ATRNL1: variants seen among roughly 807,000 people sequenced by gnomAD.
ATRNL1 encodes the protein attractin-like protein 1.
In ATRNL1, 95 loss-of-function variants were observed where a neutral mutation model predicts 182.7. The ratio of observed to expected loss-of-function variants is 0.52; its 90% CI spans 0.44 to 0.62. ATRNL1 has a LOEUF of 0.62. Among genes scored for constraint, ATRNL1 ranks in the 20% least tolerant of loss-of-function variants. The pLI is 0.00. For missense variants in ATRNL1, 1,471 were observed against 1,679.5 expected (o/e 0.88, Z 2.17); for synonymous variants, 576 against 568.3 (o/e 1.01, Z -0.19).
chr10:115,840,080 C>A (rs1950768111), intron 27 of ATRNL1, among the ~76,000 whole-genome samples: 1 of 152,098 alleles, frequency 6.6e-6, no homozygotes, highest in South Asian at 2.1e-4. Context: ...GTCTTAGGTG[C>A]CAGGGAAAGT....
chr10:115,300,085 T>C lies in ATRNL1; in HGVS notation c.2467T>C (p.Trp823Arg), dbSNP rs782285740. Residue 823 changes from tryptophan to arginine, a missense_variant, in exon 16 of 29, where the codon TGG becomes CGG. Trp to Arg is a moderately radical substitution (Grantham distance 101, BLOSUM62 -3). Transcript: ENST00000355044. ...CAAGATCAATATATCCTATTGGGGA[T>C]GGGAAGACATGTCTCCTTTTACAAA... ...LRKINISYWG[W>R]EDMSPFTNTT... 1 of 1,614,096 alleles carries C rather than the reference T, an allele frequency of 6.2e-7. No homozygotes were observed. The highest frequency in any genetic ancestry group is 8.5e-7 in the Non-Finnish European group (1 of 1,179,934).
chr10:115,620,796 A>G (rs1342748095), intron 26 of ATRNL1, among the ~76,000 whole-genome samples: 5 of 152,236 alleles, frequency 3.3e-5, no homozygotes, highest in African/African-American at 1.2e-4. Context: ...GTAAACACAC[A>G]TGAACACATA....
chr10:115,801,006 C>CTG (rs1949779525), intron 27 of ATRNL1, among the ~76,000 whole-genome samples: 1 of 152,220 alleles, frequency 6.6e-6, no homozygotes, highest in Non-Finnish European at 1.5e-5. Context: ...TCTTCAGAAA[C>CTG]AGGTTCACAT....
chr10:115,845,240 A>G (rs1439701303), intron 27 of ATRNL1, among the ~76,000 whole-genome samples: 2 of 152,126 alleles, frequency 1.3e-5, no homozygotes, highest in African/African-American at 2.4e-5. Flanking sequence ...AAATAGAAGT[A>G]TAATCTCCTT....
chr10:115,869,460 C>G (rs1186793628), intron 28 of ATRNL1, among the ~76,000 whole-genome samples: 2 of 152,214 alleles, frequency 1.3e-5, no homozygotes, highest in African/African-American at 4.8e-5. Flanking sequence ...TGCATGCCTG[C>G]ATGCACAGGT....
chr10:115,233,705 G>A (rs1308842328), intron 9 of ATRNL1, among the ~76,000 whole-genome samples: 1 of 151,914 alleles, frequency 6.6e-6, no homozygotes, highest in African/African-American at 2.4e-5. Context: ...GGTTTGATAA[G>A]GGTTTATATT....
At chr10:115,552,220 T>G (rs1853031327) in intron 26 of ATRNL1, among the ~76,000 whole-genome samples, 1 of 151,348 alleles carries the variant, frequency 6.6e-6, no homozygotes, top group East Asian at 1.9e-4. Flanking sequence ...GATAATTCCA[T>G]TTATAGACTT....
chr10:115,628,142 G>C (rs1555025230), intron 26 of ATRNL1, among the ~76,000 whole-genome samples: 1 of 136,982 alleles, frequency 7.3e-6, no homozygotes, highest in Non-Finnish European at 1.6e-5. Context: ...GCAAGACTCT[G>C]TCTCAAAAAA....
At chr10:115,832,245 C>T (rs1383780069) in intron 27 of ATRNL1, among the ~76,000 whole-genome samples, 2 of 152,240 alleles carry the variant, frequency 1.3e-5, no homozygotes, top group East Asian at 3.9e-4. Context: ...GGGAGGAATC[C>T]AGGATTTTCC....
chr10:115,381,226 C>CT (rs1379354367), intron 19 of ATRNL1, among the ~76,000 whole-genome samples: 1 of 151,734 alleles, frequency 6.6e-6, no homozygotes, highest in Non-Finnish European at 1.5e-5. Context: ...TTTTTCTGGA[C>CT]TTTTTTTAGT....
At chr10:115,844,353 T>A (rs1165705076) in intron 27 of ATRNL1, among the ~76,000 whole-genome samples, 2 of 152,046 alleles carry the variant, frequency 1.3e-5, no homozygotes, top group Non-Finnish European at 2.9e-5. Flanking sequence ...GTAGCCAGCT[T>A]TACCCATTGA....
chr10:115,527,640 G>C (rs943477919), intron 25 of ATRNL1, among the ~76,000 whole-genome samples: 13 of 151,934 alleles, frequency 8.6e-5, no homozygotes, highest in African/African-American at 2.7e-4. Flanking sequence ...GTTGGTAATT[G>C]GCTTTTTAAT....
intron 21 of ATRNL1, among the ~76,000 whole-genome samples, chr10:115,438,851 G>T (rs1441872266): frequency 6.6e-6 from 1 of 151,752 alleles, no homozygotes; most frequent in Non-Finnish European, 1.5e-5. Flanking sequence ...CATTTTTGGA[G>T]AGAAACATAA....
chr10:115,496,534 C>T (rs1292088706), intron 24 of ATRNL1, among the ~76,000 whole-genome samples: 1 of 151,840 alleles, frequency 6.6e-6, no homozygotes, highest in Non-Finnish European at 1.5e-5. Context: ...TGATAAATCA[C>T]ATTTATTGCT....
At chr10:115,717,364 A>G (rs992471793) in intron 26 of ATRNL1, among the ~76,000 whole-genome samples, 4 of 152,186 alleles carry the variant, frequency 2.6e-5, no homozygotes, top group Non-Finnish European at 5.9e-5. Flanking sequence ...TGTGTGCCTA[A>G]TGATTTACAG....
chr10:115,211,276 C>G (rs1296725381), intron 8 of ATRNL1, among the ~76,000 whole-genome samples: 1 of 150,196 alleles, frequency 6.7e-6, no homozygotes, highest in Non-Finnish European at 1.5e-5. Flanking sequence ...AATTTTTTCC[C>G]TCTTAATTCC....
In ATRNL1 at chr10:115,947,739, A is replaced by T. The variant is rs1252103081; in HGVS notation, c.*2960A>T. 1 of 152,220 alleles carries T rather than the reference A, an allele frequency of 6.6e-6. No homozygotes were observed. Among genetic ancestry groups the T allele is most frequent in the Non-Finnish European group, 1.5e-5 (1 of 68,048 alleles). The allele number at this position is 152,220 out of a possible 1,614,324, so 9.4% of individuals were successfully genotyped here. A position where few individuals can be genotyped will look rare whatever the true frequency, so the allele number is the denominator to read the frequency against. The stretch of plus-strand genomic sequence containing the variant: ...GTAAGATAGAGGTGACTGTATGGCT[A>T]CAGTTCATGGTATAAGGTCATTTAG... On this transcript the variant is annotated 3_prime_UTR_variant, in exon 29 of 29. Coordinates refer to ENST00000355044, the MANE Select transcript of ATRNL1 (RefSeq NM_207303.4).
intron 23 of ATRNL1, among the ~76,000 whole-genome samples, chr10:115,467,571 T>A (rs1173020265): frequency 6.6e-6 from 1 of 150,740 alleles, no homozygotes; most frequent in Non-Finnish European, 1.5e-5. Context: ...GAAATTTCAA[T>A]TATTTGATTC....
intron 18 of ATRNL1, among the ~76,000 whole-genome samples, chr10:115,333,485 C>CTTTT (rs35581763): frequency 1.4e-5 from 2 of 138,352 alleles, no homozygotes; most frequent in Admixed American, 7.3e-5. Context: ...TTCAAAAGTA[C>CTTTT]TTTTTTTTTT....
Sources: gnomAD v4.1 joint callset for allele counts (sites outside exome capture counted in the v4.1 genomes callset) on GRCh38, gnomAD v4.1.1 for gene constraint, MANE v1.5 for transcripts, NCBI Gene and HGNC (gene_info 2026-07-23, HGNC 2026-07-21) for gene names.